MTOR: variants seen among roughly 807,000 people sequenced by gnomAD.
The protein encoded by MTOR is mechanistic target of rapamycin kinase.
A neutral mutation model predicts 319.8 loss-of-function variants in MTOR; 70 were observed. The observed-to-expected ratio is 0.22, with a 90% CI of 0.18 to 0.27. MTOR has a LOEUF of 0.27. Ranked by LOEUF, MTOR falls within the 10% of genes least tolerant of loss-of-function variation. The pLI is 1.00. For missense variants in MTOR, 1,890 were observed against 3,274.4 expected, an observed-to-expected ratio of 0.58 and a Z score of 10.32; for synonymous variants, 1,183 against 1,211.4, an observed-to-expected ratio of 0.98 and a Z score of 0.49.
intron 29 of MTOR, among the ~76,000 whole-genome samples, chr1:11,167,233 TTAAAG>T (rs1644674517): frequency 6.6e-6 from 1 of 151,254 alleles, no homozygotes; most frequent in Non-Finnish European, 1.5e-5. Flanking sequence ...ACCCTAGAAC[TTAAAG>T]TATAATTAAA....
At chr1:11,255,723 T>C (rs1650304910) in intron 5 of MTOR, among the ~76,000 whole-genome samples, 1 of 151,962 alleles carries the variant, frequency 6.6e-6, no homozygotes, top group East Asian at 1.9e-4. Context: ...CACACGCCTG[T>C]AGTCCTAGCT....
intron 28 of MTOR, chr1:11,195,269 G>T: frequency 2.3e-6 from 1 of 426,286 alleles, no homozygotes; most frequent in Non-Finnish European, 4.2e-6. Context: ...TAGACTGAGT[G>T]GGGTCTCTCT....
At chr1:11,136,791 C>T (rs552143481) in intron 36 of MTOR, among the ~76,000 whole-genome samples, 8 of 151,854 alleles carry the variant, frequency 5.3e-5, no homozygotes, top group Non-Finnish European at 1.5e-5. Flanking sequence ...GTGTGAACCA[C>T]CCTTTAGTTT....
rs767536943 is a variant in MTOR at position 11,230,977 on chromosome 1, G to A, written c.2727C>T (p.Ser909=). 4 of 1,614,112 alleles carry A rather than the reference G, an allele frequency of 2.5e-6. No homozygotes were observed. Among genetic ancestry groups the A allele is most frequent in the Non-Finnish European group, 1.7e-6 (2 of 1,180,016 alleles). ...ACAGGCTGACAGCAGAGGCATCCCG[G>A]GACTGGTCTATCATGCCAATGTTCA... ...HKVNIGMIDQ[S]RDASAVSLSE... is the part of the protein sequence containing the mutation. The change falls in exon 18 of 58, where the codon TCC becomes TCT. Residue 909 remains serine, a synonymous_variant. Transcript: ENST00000361445.
chr1:11,227,297 CAAAAAAAAAAA>C (rs59546882), intron 19 of MTOR, among the ~76,000 whole-genome samples: 10 of 74,048 alleles, frequency 1.4e-4, no homozygotes, highest in African/African-American at 4.8e-4. Context: ...GACTTTGTCT[CAAAAAAAAAAA>C]AAAAAAAAAA....
At chr1:11,194,754 T>G in intron 28 of MTOR, 2 of 1,599,150 alleles carry the variant, frequency 1.3e-6, no homozygotes, top group Non-Finnish European at 1.7e-6. Context: ...CAGTTGATAT[T>G]CCGGTTTTGG....
intron 28 of MTOR, among the ~76,000 whole-genome samples, chr1:11,175,973 C>G (rs752366739): frequency 2.0e-5 from 3 of 152,122 alleles, no homozygotes; most frequent in Non-Finnish European, 4.4e-5. Flanking sequence ...GTCTTGAACT[C>G]CTGACCTCAA....
chr1:11,260,640 A>G (rs1306926282), intron 1 of MTOR, among the ~76,000 whole-genome samples: 3 of 151,652 alleles, frequency 2.0e-5, no homozygotes, highest in Non-Finnish European at 4.4e-5. Context: ...AACAGGTGAA[A>G]TTAATTACCT....
At chr1:11,137,528 G>A (rs1643487323) in intron 36 of MTOR, among the ~76,000 whole-genome samples, 1 of 152,114 alleles carries the variant, frequency 6.6e-6, no homozygotes, top group Non-Finnish European at 1.5e-5. Flanking sequence ...TTTAAAATTT[G>A]TTTTCTCCAT....
At chr1:11,234,499 T>C (rs1647130383) in intron 13 of MTOR, among the ~76,000 whole-genome samples, 1 of 152,204 alleles carries the variant, frequency 6.6e-6, no homozygotes, top group South Asian at 2.1e-4. Flanking sequence ...TTTCCTTTTA[T>C]CACAGCACTC....
chr1:11,194,488 G>C, intron 28 of MTOR: 2 of 1,614,170 alleles, frequency 1.2e-6, no homozygotes, highest in Non-Finnish European at 1.7e-6. Flanking sequence ...GCGCTACGCT[G>C]AGTATAGCCA....
In MTOR at chr1:11,190,530, G is replaced by T. The variant is rs530213562; in HGVS notation, c.4253+8728C>A. Among the ~76,000 whole-genome samples the T allele has an allele frequency of 5.6e-4, 85 of 152,224 alleles. 1 individual carries two copies. The highest frequency in any genetic ancestry group is 2.0e-3 in the African/African-American group (82 of 41,514). ...TTCAGGAAGGATGCGGCTCCTTAAG[G>T]TTCCTCAATTGTGATACGTCTATTT... On this transcript the variant is annotated intron_variant, in intron 28 of 57. Coordinates refer to ENST00000361445, the MANE Select transcript of MTOR (RefSeq NM_004958.4).
Position 11,107,454 on chromosome 1 carries a change from A to G in MTOR, c.*31T>C, listed in dbSNP as rs757368887. The G allele has an allele frequency of 1.9e-6, 3 of 1,605,112 alleles. 1 individual carries two copies. In the South Asian group the frequency reaches 3.4e-5, roughly 18 times the overall value. ...TTTACTAAAGTACAAAAGCCTCAGA[A>G]AAAACGTGATGGGCACATCTGGGCC... On this transcript the variant is annotated 3_prime_UTR_variant, in exon 58 of 58. Transcript: ENST00000361445.
Position 11,212,572 on chromosome 1 carries a change from GA to G in MTOR, c.3399-99del. On this transcript the variant is annotated intron_variant, in intron 22 of 57. Coordinates refer to ENST00000361445, the MANE Select transcript of MTOR (RefSeq NM_004958.4). This position sits in a 1 kb window ranked among gnomAD's most constrained non-coding sequence, Gnocchi z 4.1. ...TTAACAATCAGCACCAAAGGGATGG[GA>G]ATGAACGGCTTCTAAGGTATTTTGG... 1 of 1,410,202 alleles carries G rather than the reference GA, an allele frequency of 7.1e-7. No individual in the cohort carries two copies. Among genetic ancestry groups the G allele is most frequent in the South Asian group, 1.4e-5 (1 of 73,788 alleles). The allele number at this position is 1,410,202 out of a possible 1,614,324, so 87.4% of individuals were successfully genotyped here.
chr1:11,241,971 A>C (rs534085108), intron 9 of MTOR, among the ~76,000 whole-genome samples: 55 of 152,348 alleles, frequency 3.6e-4, no homozygotes, highest in African/African-American at 1.2e-3. Context: ...CACCAAGATA[A>C]TTATGTAGGA....
intron 34 of MTOR, among the ~76,000 whole-genome samples, chr1:11,141,398 C>T (rs555702899): frequency 4.6e-5 from 7 of 151,756 alleles, no homozygotes; most frequent in East Asian, 2.0e-4. Flanking sequence ...CAGGTGGGAT[C>T]GTTCTTGTCT....
In MTOR at chr1:11,127,588, A is replaced by G. The variant is rs2100406009; in HGVS notation, c.6216+36T>C. The G allele has an allele frequency of 6.5e-7, 1 of 1,549,164 alleles. No individual in the cohort carries two copies. The highest frequency in any genetic ancestry group is 8.7e-7 in the Non-Finnish European group (1 of 1,149,826). ...TTTTTTTTAGTGGCAGAATATTTCT[A>G]CAGGGTTATGTCCTTTCGTGTTTTT... On this transcript the variant is annotated intron_variant, in intron 44 of 57. Transcript: ENST00000361445. This position sits in a 1 kb window ranked among gnomAD's most constrained non-coding sequence, Gnocchi z 5.5.
rs1332088131 is a variant in MTOR at position 11,216,175 on chromosome 1, A to G, written c.3090T>C (p.Tyr1030=). The G allele has an allele frequency of 1.2e-6, 2 of 1,613,870 alleles. No individual in the cohort carries two copies. Among genetic ancestry groups the G allele is most frequent in the African/African-American group, 2.7e-5 (2 of 74,912 alleles). The part of the protein sequence containing the change: ...VSFVKSHIRP[Y]MDEIVTLMRE... ...TCATGAGGGTGACTATTTCATCCAT[A>G]TAAGGTCTGATGTGGCTCTTCACAA... Residue 1030 remains tyrosine (Y), a synonymous_variant, in exon 20 of 58, where the codon TAT becomes TAC. Transcript: ENST00000361445.
chr1:11,222,060 C>T (rs1646681105), intron 19 of MTOR, among the ~76,000 whole-genome samples: 2 of 151,430 alleles, frequency 1.3e-5, no homozygotes, highest in Non-Finnish European at 2.9e-5. Context: ...AGGCTTGACT[C>T]ATTATACTAA....
Sources: gnomAD v4.1 joint callset for allele counts (sites outside exome capture counted in the v4.1 genomes callset) on GRCh38, gnomAD v4.1.1 for gene constraint, Gnocchi (gnomAD v3.1) non-coding constraint, MANE v1.5 for transcripts, NCBI Gene and HGNC (gene_info 2026-07-23, HGNC 2026-07-21) for gene names.